The following HDAC9 variants were observed in gnomAD, a reference collection of about 807,000 sequenced individuals.
The protein encoded by HDAC9 is histone deacetylase 9.
In HDAC9, 41 loss-of-function variants were observed where a neutral mutation model predicts 139.4. That is an observed-to-expected ratio of 0.29 (90% CI 0.23 to 0.38). The LOEUF (loss-of-function observed/expected upper bound fraction) is 0.38. Ranked by LOEUF, HDAC9 falls within the 10% of genes least tolerant of loss-of-function variation. The pLI is 1.00. For synonymous variants in HDAC9, 517 were observed against 476.2 expected (o/e 1.09, Z -1.12); for missense variants, 1,147 against 1,297.0 (o/e 0.88, Z 1.78).
At chr7:18,532,602 G>A (rs547732644) in intron 2 of HDAC9, among the ~76,000 whole-genome samples, 109 of 152,182 alleles carry the variant, frequency 7.2e-4, no homozygotes, top group African/African-American at 2.4e-3. Context: ...ATTAAACACC[G>A]ATTTGAATTT....
chr7:18,980,732 T>TCTTCTTCCTTCTTCTTCTTCTTCTTC (rs1360010404), intron 25 of HDAC9, among the ~76,000 whole-genome samples: 2 of 136,218 alleles, frequency 1.5e-5, no homozygotes, highest in Non-Finnish European at 1.6e-5. Context: ...TCTTCCTTCT[T>TCTTCTTCCTTCTTCTTCTTCTTCTTC]CTTCTTCTTC....
intron 25 of HDAC9, among the ~76,000 whole-genome samples, chr7:18,990,949 C>T (rs1163013979): frequency 6.6e-6 from 1 of 152,238 alleles, no homozygotes; most frequent in Admixed American, 6.5e-5. Flanking sequence ...CTGTCTGGCA[C>T]TCCCTAGTGA....
chr7:18,654,000 A>G (rs1176864729), intron 11 of HDAC9, among the ~76,000 whole-genome samples: 1 of 152,064 alleles, frequency 6.6e-6, no homozygotes, highest in African/African-American at 2.4e-5. Flanking sequence ...GTGTGTGTTA[A>G]TGTGTTGCCT....
chr7:18,883,072 A>T (rs537406078), intron 22 of HDAC9, among the ~76,000 whole-genome samples: 1 of 152,318 alleles, frequency 6.6e-6, no homozygotes, highest in Admixed American at 6.5e-5. Context: ...AAGAAAATAA[A>T]GCATTATTAT....
chr7:18,184,124 C>A (rs1394225744), intron 2 of HDAC9, among the ~76,000 whole-genome samples: 1 of 152,112 alleles, frequency 6.6e-6, no homozygotes, highest in African/African-American at 2.4e-5. Context: ...ATTGGCCGGG[C>A]GCGGCAGCTC....
chr7:18,167,791 T>C (rs1036882826), intron 2 of HDAC9, among the ~76,000 whole-genome samples: 9 of 152,160 alleles, frequency 5.9e-5, no homozygotes, highest in African/African-American at 2.2e-4. Context: ...GGAAAAGTAG[T>C]CTAGCAGTAC....
chr7:18,819,926 A>G (rs1161088925), intron 17 of HDAC9, among the ~76,000 whole-genome samples: 3 of 152,202 alleles, frequency 2.0e-5, no homozygotes, highest in African/African-American at 7.2e-5. Context: ...TTGTAACTTA[A>G]AATAAAATAT....
chr7:18,779,005 G>A (rs777452962), intron 16 of HDAC9, among the ~76,000 whole-genome samples: 5 of 151,988 alleles, frequency 3.3e-5, no homozygotes, highest in Non-Finnish European at 1.5e-5. Context: ...CTTTCCATAT[G>A]GAATATCAGT....
intron 21 of HDAC9, among the ~76,000 whole-genome samples, chr7:18,836,505 C>G (rs1392982577): frequency 1.3e-5 from 2 of 152,088 alleles, no homozygotes; most frequent in African/African-American, 4.8e-5. Context: ...GTATAGTTTT[C>G]CTTTCACATG....
At chr7:18,772,082 A>G (rs1041011401) in intron 16 of HDAC9, among the ~76,000 whole-genome samples, 1 of 152,150 alleles carries the variant, frequency 6.6e-6, no homozygotes, top group African/African-American at 2.4e-5. Context: ...ATGCTAAGCT[A>G]TGAGAGCACA....
At chr7:18,247,467 G>A (rs1252851337) in intron 2 of HDAC9, among the ~76,000 whole-genome samples, 2 of 152,002 alleles carry the variant, frequency 1.3e-5, no homozygotes, top group Admixed American at 1.3e-4. Flanking sequence ...CTGAAGTGAT[G>A]GACAGTTGGC....
intron 2 of HDAC9, among the ~76,000 whole-genome samples, chr7:18,534,140 T>C (rs1215597428): frequency 6.6e-6 from 1 of 152,202 alleles, no homozygotes; most frequent in Non-Finnish European, 1.5e-5. Context: ...GAGCATTTGA[T>C]CTTTGGAAGC....
intron 1 of HDAC9, among the ~76,000 whole-genome samples, chr7:18,124,048 C>T (rs533029973): frequency 6.6e-6 from 1 of 152,258 alleles, no homozygotes; most frequent in East Asian, 1.9e-4. Flanking sequence ...ATACCATTGG[C>T]CAGAACCCTG....
intron 1 of HDAC9, among the ~76,000 whole-genome samples, chr7:18,466,517 C>G (rs2128115438): frequency 1.3e-5 from 2 of 152,194 alleles, no homozygotes; most frequent in Non-Finnish European, 2.9e-5. Flanking sequence ...TCTTTATCTT[C>G]AAAGCCAGTA....
At chr7:18,989,193 G>A (rs532975014) in intron 25 of HDAC9, among the ~76,000 whole-genome samples, 1 of 148,688 alleles carries the variant, frequency 6.7e-6, no homozygotes, top group South Asian at 2.1e-4. Context: ...ATTTTGCAGT[G>A]GCTGGTACCG....
At chr7:18,623,796 G>T (rs976118906) in intron 6 of HDAC9, among the ~76,000 whole-genome samples, 2 of 152,152 alleles carry the variant, frequency 1.3e-5, no homozygotes, top group African/African-American at 4.8e-5. Context: ...ACAAAAATTA[G>T]CCAGGTGTGG....
intron 19 of HDAC9, among the ~76,000 whole-genome samples, chr7:18,832,928 G>A (rs756701698): frequency 1.3e-5 from 2 of 151,962 alleles, no homozygotes; most frequent in Non-Finnish European, 2.9e-5. Flanking sequence ...TAGAGACGGG[G>A]TTTCTCCATG....
chr7:18,980,821 CCTT>C (rs1323809861), intron 25 of HDAC9, among the ~76,000 whole-genome samples: 30 of 147,712 alleles, frequency 2.0e-4, no homozygotes, highest in Middle Eastern at 3.4e-3. Context: ...TCCTCCGTCT[CCTT>C]CTTCTTCTTT....
intron 1 of HDAC9, among the ~76,000 whole-genome samples, chr7:18,092,385 A>G (rs577370013): frequency 2.0e-5 from 3 of 148,426 alleles, no homozygotes; most frequent in South Asian, 4.2e-4. Context: ...GTAAGACCCT[A>G]TTTTTCTTTC....
Sources: allele counts gnomAD v4.1 joint callset (sites outside exome capture counted in the v4.1 genomes callset), GRCh38; gene constraint gnomAD v4.1.1; transcripts MANE v1.5; gene names NCBI Gene and HGNC (gene_info 2026-07-23, HGNC 2026-07-21).